Variants in BOP1 observed in about 807,000 individuals in gnomAD.
BOP1 encodes the protein BOP1 ribosomal biogenesis factor, also known as ribosome biogenesis protein BOP1.
Under a neutral mutation model 82.9 loss-of-function variants are expected in BOP1, and 54 were observed. That is an observed-to-expected ratio of 0.65 (90% CI 0.52 to 0.82). The LOEUF is 0.82. Among genes scored for constraint, BOP1 ranks in the 40% least tolerant of loss-of-function variants. BOP1 has a pLI of 0.00. For synonymous variants in BOP1, 566 were observed against 451.1 expected, an observed-to-expected ratio of 1.25 and a Z score of -3.23; for missense variants, 1,170 against 1,072.0, an observed-to-expected ratio of 1.09 and a Z score of -1.28.
chr8:144,277,357 A>G (rs1845583299), intron 2 of BOP1, among the ~76,000 whole-genome samples: 1 of 152,208 alleles, frequency 6.6e-6, no homozygotes, highest in African/African-American at 2.4e-5. Flanking sequence ...CCCTGCCTGG[A>G]GCACATGAGC....
chr8:144,262,583 C>G lies in BOP1; in HGVS notation c.1979+5G>C. 6.2e-7 allele frequency: 1 copy of G among 1,613,446 alleles called. No homozygotes were observed. Among genetic ancestry groups the G allele is most frequent in the Non-Finnish European group, 8.5e-7 (1 of 1,179,822 alleles). On this transcript the variant is annotated splice_donor_5th_base_variant and intron_variant, in intron 14 of 15. Transcript: ENST00000569669. The stretch of plus-strand genomic sequence containing the variant: ...CTGGCCGCCTCCACCCCCAGCTTTC[C>G]TCACCTCAGCATCCTGTATGGCTTG...
intron 3 of BOP1, chr8:144,266,802 C>CG: frequency 9.0e-7 from 1 of 1,110,836 alleles, no homozygotes; most frequent in South Asian, 4.3e-5. Flanking sequence ...GGGCCGGGGG[C>CG]GGGGGGCCAG....
Position 144,276,261 on chromosome 8 carries a change from A to G in BOP1, c.353T>C (p.Ile118Thr), listed in dbSNP as rs964528739. ...CPRTEMASARIGDEYAEDSSD... is the reference protein window; with the variant it reads ...CPRTEMASARTGDEYAEDSSD... ...GCTGTCCTCCGCATACTCATCCCCAATCCGGGCGCTCGCCATCTCTGTCCT... is the reference window on the plus strand; with the variant it reads ...GCTGTCCTCCGCATACTCATCCCCAGTCCGGGCGCTCGCCATCTCTGTCCT... Residue 118 changes from isoleucine to threonine, a missense_variant, in exon 3 of 16, where the codon ATT (isoleucine) becomes ACT (threonine). Physicochemically the swap from Ile to Thr is moderately conservative, Grantham distance 89 (BLOSUM62 -1). Transcript: ENST00000569669. 17 of 1,613,180 alleles carry G rather than the reference A, an allele frequency of 1.1e-5. No individual in the cohort carries two copies. The Admixed American group carries it at 1.2e-4, about 11-fold the overall frequency.
chr8:144,262,057 G>A lies in BOP1; in HGVS notation c.*107C>T, dbSNP rs1264464003. The A allele has an allele frequency of 1.3e-5, 20 of 1,520,090 alleles. No individual in the cohort carries two copies. The highest frequency in any genetic ancestry group is 8.0e-5 in the South Asian group (7 of 86,988). The allele number at this position is 1,520,090 out of a possible 1,614,324, so 94.2% of individuals were successfully genotyped here. ...GAAGGCTCGGCGCTGTGGTGGGGGCGGCTTTGTTGGCAACCCCAATTCAAG... is the reference window on the plus strand; with the variant it reads ...GAAGGCTCGGCGCTGTGGTGGGGGCAGCTTTGTTGGCAACCCCAATTCAAG... On this transcript the variant is annotated 3_prime_UTR_variant, in exon 16 of 16. Coordinates refer to ENST00000569669, the MANE Select transcript of BOP1 (RefSeq NM_015201.5).
intron 3 of BOP1, chr8:144,266,571 G>A: frequency 9.8e-7 from 1 of 1,016,060 alleles, no homozygotes; most frequent in Non-Finnish European, 1.2e-6. Context: ...GAGGCGGCAT[G>A]AGCAGCGCGC....
intron 3 of BOP1, chr8:144,266,473 G>C (rs1225713361): frequency 1.0e-6 from 1 of 982,980 alleles, no homozygotes; most frequent in Non-Finnish European, 1.2e-6. Flanking sequence ...GCACATGTGC[G>C]CGCGACGCCC....
At chr8:144,279,612 G>A (rs1324762243) in intron 2 of BOP1, among the ~76,000 whole-genome samples, 1 of 152,220 alleles carries the variant, frequency 6.6e-6, no homozygotes, top group African/African-American at 2.4e-5. Context: ...AAGGGTGACT[G>A]TGACCATTTT....
chr8:144,263,812 C>T lies in BOP1; in HGVS notation c.1221+19G>A, dbSNP rs1047311050. ...TCAGACTGGGAGGGTGCAACCCCAG[C>T]CCCCTAGTCTCCACTTACCAGGGCC... is the stretch of plus-strand genomic sequence containing the variant. On this transcript the variant is annotated intron_variant, in intron 9 of 15. Coordinates refer to ENST00000569669, the MANE Select transcript of BOP1 (RefSeq NM_015201.5). The T allele has an allele frequency of 1.8e-5, 29 of 1,609,724 alleles. 1 individual carries two copies. In the South Asian group the frequency reaches 2.9e-4, roughly 16 times the overall value.
At chr8:144,268,002 T>C in intron 3 of BOP1, 1 of 1,530,294 alleles carries the variant, frequency 6.5e-7, no homozygotes. Flanking sequence ...AGGAGGTGCC[T>C]TGGCGCTGGC....
intron 1 of BOP1, among the ~76,000 whole-genome samples, chr8:144,289,596 C>G (rs1463901701): frequency 6.6e-6 from 1 of 152,224 alleles, no homozygotes; most frequent in African/African-American, 2.4e-5. Context: ...TCTTGGAGCT[C>G]AGCTCTCATC....
Position 144,263,346 on chromosome 8 carries a change from T to G in BOP1, c.1480A>C (p.Ser494Arg). Reference sequence around the variant, plus strand: ...AAGGCGCTCAACAGCTGATCTGTGCTGCCCGCCACCAGCCGGTCCCCCAGA... The same window carrying G: ...AAGGCGCTCAACAGCTGATCTGTGCGGCCCGCCACCAGCCGGTCCCCCAGA... ...PALGDRLVAGSTDQLLSAFVP... is the reference protein window; with the variant it reads ...PALGDRLVAGRTDQLLSAFVP... The change falls in exon 12 of 16, where the codon AGC becomes CGC. Residue 494 changes from serine (S) to arginine (R), a missense_variant. Ser to Arg is a moderately radical substitution (Grantham distance 110). Transcript: ENST00000569669. 1.9e-6 allele frequency: 3 copies of G among 1,595,396 alleles called. No individual in the cohort carries two copies. Among genetic ancestry groups the G allele is most frequent in the Non-Finnish European group, 2.5e-6 (3 of 1,179,178 alleles).
intron 3 of BOP1, among the ~76,000 whole-genome samples, chr8:144,271,002 C>T (rs895336482): frequency 3.3e-5 from 5 of 152,132 alleles, no homozygotes; most frequent in African/African-American, 4.8e-5. Context: ...GCCCACCACC[C>T]GCCCCGCCCA....
intron 2 of BOP1, among the ~76,000 whole-genome samples, chr8:144,285,770 G>A (rs1814848960): frequency 6.6e-6 from 1 of 152,268 alleles, no homozygotes; most frequent in African/African-American, 2.4e-5. Flanking sequence ...GAATCCTCCA[G>A]ATGGCTGTGG....
At chr8:144,288,292 C>T (rs1554839676) in intron 2 of BOP1, among the ~76,000 whole-genome samples, 1 of 142,400 alleles carries the variant, frequency 7.0e-6, no homozygotes, top group Admixed American at 7.2e-5. Flanking sequence ...AAAAAATAGG[C>T]CGGGCGTGGT....
chr8:144,286,519 G>A (rs1284486849), intron 2 of BOP1, among the ~76,000 whole-genome samples: 8 of 114,576 alleles, frequency 7.0e-5, no homozygotes, highest in South Asian at 2.9e-4. Context: ...ACGCGGGCAG[G>A]TGCATGGGCG....
chr8:144,282,369 G>A lies in BOP1; in HGVS notation c.310-6065C>T, dbSNP rs374084639. ...GGAACCAGGCCAGGAGACAGAACTCGTGGGTCATCAGGTGGCACAGAACGC... is the reference window on the plus strand; with the variant it reads ...GGAACCAGGCCAGGAGACAGAACTCATGGGTCATCAGGTGGCACAGAACGC... On this transcript the variant is annotated intron_variant, in intron 2 of 15. Coordinates refer to ENST00000569669, the MANE Select transcript of BOP1 (RefSeq NM_015201.5). Among the ~76,000 whole-genome samples the A allele has an allele frequency of 2.5e-4, 38 of 152,324 alleles. No homozygotes were observed. In the South Asian group the frequency reaches 4.1e-3, roughly 17 times the overall value.
intron 1 of BOP1, among the ~76,000 whole-genome samples, chr8:144,290,369 G>A (rs919373930): frequency 3.3e-5 from 5 of 151,426 alleles, no homozygotes; most frequent in Non-Finnish European, 4.4e-5. Flanking sequence ...AGAAAGAAAA[G>A]GAAAAGAAAA....
chr8:144,273,132 G>C (rs1243735231), intron 3 of BOP1, among the ~76,000 whole-genome samples: 7 of 152,174 alleles, frequency 4.6e-5, no homozygotes, highest in African/African-American at 1.4e-4. Context: ...CGCCAGCAGC[G>C]ACGCAAGCCT....
chr8:144,264,604 A>G lies in BOP1; in HGVS notation c.676T>C (p.Phe226Leu). 6.2e-7 allele frequency: 1 copy of G among 1,601,832 alleles called. No homozygotes were observed. Among genetic ancestry groups the G allele is most frequent in the Admixed American group, 1.7e-5 (1 of 58,868 alleles). ...TGGATCATGACGTCCCCGCTGAAGAAGTCGACAGCCGGCTGGGGGAGAAGA... is the reference window on the plus strand; with the variant it reads ...TGGATCATGACGTCCCCGCTGAAGAGGTCGACAGCCGGCTGGGGGAGAAGA... ...GFNPYEPAVD[F>L]FSGDVMIHPV... Residue 226 changes from phenylalanine to leucine, a missense_variant, in exon 6 of 16, where the codon TTC becomes CTC. Transcript: ENST00000569669.
Sources: gnomAD v4.1 joint callset for allele counts (sites outside exome capture counted in the v4.1 genomes callset) on GRCh38, gnomAD v4.1.1 for gene constraint, MANE v1.5 for transcripts, NCBI Gene and HGNC (gene_info 2026-07-23, HGNC 2026-07-21) for gene names.